The following PDGFA variants were observed in gnomAD, a reference collection of about 807,000 sequenced individuals.
The protein encoded by PDGFA is platelet derived growth factor subunit A, also known as platelet-derived growth factor subunit A.
A neutral mutation model predicts 25.6 loss-of-function variants in PDGFA; 9 were observed. The ratio of observed to expected loss-of-function variants is 0.35; its 90% CI spans 0.21 to 0.61. The LOEUF (loss-of-function observed/expected upper bound fraction) is 0.61, where lower values mean the gene tolerates loss of function less well. PDGFA is among the 20% of genes least tolerant of loss of function. PDGFA has a pLI of 0.75. For missense variants in PDGFA, 242 were observed against 272.8 expected (o/e 0.89, Z 0.79); for synonymous variants, 133 against 111.8 (o/e 1.19, Z -1.20).
At chr7:518,989 C>T (rs1277211330) in exon 1 of PDGFA, 4 of 1,539,774 alleles carry the variant, frequency 2.6e-6, no homozygotes, top group Admixed American at 2.0e-5. Flanking sequence ...AGCAGGCAAG[C>T]CAAGGTCCTC....
intron 5 of PDGFA, among the ~76,000 whole-genome samples, chr7:499,727 C>G (rs75800501): frequency 1.6e-5 from 1 of 63,120 alleles, no homozygotes; most frequent in Non-Finnish European, 3.5e-5. Context: ...CCTTCCCCCC[C>G]CCCCCCGCTC....
chr7:508,694 G>T (rs1227533407), intron 4 of PDGFA, among the ~76,000 whole-genome samples: 5 of 151,860 alleles, frequency 3.3e-5, no homozygotes, highest in African/African-American at 1.2e-4. Flanking sequence ...GGTCCTGCAG[G>T]TCAGGTGGGA....
At chr7:508,146 C>T (rs762803737) in intron 4 of PDGFA, among the ~76,000 whole-genome samples, 3 of 152,144 alleles carry the variant, frequency 2.0e-5, no homozygotes, top group Non-Finnish European at 4.4e-5. Context: ...AAGTCCTTCC[C>T]GGAGAACCTT....
At chr7:502,722 A>G (rs933046866) in intron 4 of PDGFA, among the ~76,000 whole-genome samples, 1 of 151,076 alleles carries the variant, frequency 6.6e-6, no homozygotes, top group African/African-American at 2.4e-5. Flanking sequence ...GGCCCAGTCC[A>G]GGCCAGAGAG....
chr7:511,123 G>A (rs1399118056), intron 3 of PDGFA, 127 bp from the exon 4 acceptor site: 2 of 713,340 alleles, frequency 2.8e-6, no homozygotes, highest in African/African-American at 1.8e-5. Context: ...ATTCCTCCCA[G>A]GCAGCAGAGG....
chr7:516,778 GC>G lies in PDGFA; in HGVS notation c.160+615del, dbSNP rs540947544. On this transcript the variant is annotated intron_variant, in intron 2 of 5. Transcript: ENST00000402802. ...TGTTCTCTAGTGGCCCGGCCCCAGG[GC>G]CCGAGGGTGAGCCGCAAAAATAGCC... Among the ~76,000 whole-genome samples, 122 of 152,332 alleles carry G rather than the reference GC, an allele frequency of 8.0e-4. No individual in the cohort carries two copies. The Middle Eastern group carries it at 0.01, about 13-fold the overall frequency.
At chr7:516,547 A>C (rs1783109627) in intron 2 of PDGFA, among the ~76,000 whole-genome samples, 1 of 152,180 alleles carries the variant, frequency 6.6e-6, no homozygotes, top group Non-Finnish European at 1.5e-5. Flanking sequence ...TCCCAGGCCG[A>C]GTGCTCATTT....
At position 512,680 on chromosome 7, in the gene PDGFA, ACGCCC is replaced by A. The variant is rs1285281319; in HGVS notation, c.161-230_161-226del. The A allele has an allele frequency of 3.4e-6, 5 of 1,471,774 alleles. No homozygotes were observed. In the African/African-American group the frequency reaches 7.0e-5, roughly 21 times the overall value. 91.2% of individuals were successfully genotyped at this position (1,471,774 alleles called of 1,614,324 possible). A position where few individuals can be genotyped will look rare whatever the true frequency, so the allele number is the denominator to read the frequency against. ...CATGAAACACTGGAAACCGCAGAAAACGCCCCGTTAGCACAGAGGTCCCCACATTC... is the reference window on the plus strand; with the variant it reads ...CATGAAACACTGGAAACCGCAGAAAACGTTAGCACAGAGGTCCCCACATTC... On this transcript the variant is annotated intron_variant, in intron 2 of 5. Coordinates refer to ENST00000402802, the Ensembl canonical transcript of PDGFA.
intron 3 of PDGFA, among the ~76,000 whole-genome samples, chr7:512,133 G>A (rs1782880051): frequency 6.6e-6 from 1 of 152,220 alleles, no homozygotes; most frequent in African/African-American, 2.4e-5. Context: ...GGCTGGGGCA[G>A]GAGACACCCT....
Position 500,103 on chromosome 7 carries a change from G to T in PDGFA, c.580+1013C>A, listed in dbSNP as rs908062420. On this transcript the variant is annotated intron_variant, in intron 5 of 5. Coordinates refer to ENST00000402802, the Ensembl canonical transcript of PDGFA. This position sits in a 1 kb window ranked among gnomAD's most constrained non-coding sequence, Gnocchi z 5.0. ...AAATGGGGTGGGTGATCCCAGAGTG[G>T]CCAGGCGCTCAGAGCTGCCCCACCG... Among the ~76,000 whole-genome samples, 2 of 152,180 alleles carry T rather than the reference G, an allele frequency of 1.3e-5. No individual in the cohort carries two copies. Among genetic ancestry groups the T allele is most frequent in the Non-Finnish European group, 2.9e-5 (2 of 68,016 alleles).
At chr7:513,444 C>T (rs919248303) in intron 2 of PDGFA, 1 of 152,166 alleles carries the variant, frequency 6.6e-6, no homozygotes, top group South Asian at 2.1e-4. Flanking sequence ...CTGGGCACCG[C>T]GGGTGGCTCT....
exon 6 of PDGFA, chr7:498,411 A>G (rs1255379343): frequency 1.4e-6 from 1 of 704,248 alleles, no homozygotes; most frequent in African/African-American, 1.8e-5. Context: ...ACAAATGTGC[A>G]CTGTCTCTTT....
At chr7:510,724 G>C (rs1340872661) in intron 4 of PDGFA, 85 bp downstream of exon 4, 2 of 424,032 alleles carry the variant, frequency 4.7e-6, no homozygotes, top group Non-Finnish European at 4.2e-6. Context: ...GAGGGGAGGG[G>C]AGAGGAGGGG....
chr7:516,792 C>T (rs1783123780), intron 2 of PDGFA, among the ~76,000 whole-genome samples: 1 of 152,234 alleles, frequency 6.6e-6, no homozygotes, highest in African/African-American at 2.4e-5. Flanking sequence ...GAGGGTGAGC[C>T]GCAAAAATAG....
chr7:504,701 G>A (rs1442663308), intron 4 of PDGFA, among the ~76,000 whole-genome samples: 1 of 152,248 alleles, frequency 6.6e-6, no homozygotes, highest in African/African-American at 2.4e-5. Context: ...AGGGCGCCCT[G>A]TTCTGCTCCC....
Position 501,045 on chromosome 7 carries a change from C to G in PDGFA, c.580+71G>C, listed in dbSNP as rs533910673. 1.5e-4 allele frequency: 237 copies of G among 1,613,104 alleles called. 1 individual carries two copies. The highest frequency in any genetic ancestry group is 1.9e-4 in the Non-Finnish European group (230 of 1,179,954). On this transcript the variant is annotated intron_variant, in intron 5 of 5. Transcript: ENST00000402802. Reference sequence around the variant, plus strand: ...GTAAGCGTTGCGCTCAAGGGGGCCACCTAACACCCCAAAAGCAAGGCTCTG... The same window carrying G: ...GTAAGCGTTGCGCTCAAGGGGGCCAGCTAACACCCCAAAAGCAAGGCTCTG...
intron 4 of PDGFA, among the ~76,000 whole-genome samples, chr7:510,581 G>A (rs1452003575): frequency 3.2e-5 from 2 of 63,468 alleles, no homozygotes; most frequent in African/African-American, 1.3e-4. Flanking sequence ...CGGCCCTTGG[G>A]CTCGGGTGGG....
In PDGFA at chr7:501,259, A is replaced by G; in HGVS notation, c.454-17T>C. On this transcript the variant is annotated splice_polypyrimidine_tract_variant and intron_variant, in intron 4 of 5. Transcript: ENST00000402802. Reference sequence around the variant, plus strand: ...CTTGGCCACCTGCCAGAGAGAACAGAGCCCGGCCATGAATGCCTGCATGGA... The same window carrying G: ...CTTGGCCACCTGCCAGAGAGAACAGGGCCCGGCCATGAATGCCTGCATGGA... 1.2e-6 allele frequency: 2 copies of G among 1,613,760 alleles called. No homozygotes were observed. Among genetic ancestry groups the G allele is most frequent in the Non-Finnish European group, 1.7e-6 (2 of 1,179,964 alleles).
At chr7:509,557 C>T (rs1782708483) in intron 4 of PDGFA, among the ~76,000 whole-genome samples, 3 of 152,174 alleles carry the variant, frequency 2.0e-5, no homozygotes, top group South Asian at 4.1e-4. Flanking sequence ...TCCACGGTGG[C>T]TGGGACTGCA....
Sources: allele counts gnomAD v4.1 joint callset (sites outside exome capture counted in the v4.1 genomes callset), GRCh38; gene constraint gnomAD v4.1.1; non-coding constraint Gnocchi (gnomAD v3.1); transcripts MANE v1.5; gene names NCBI Gene and HGNC (gene_info 2026-07-23, HGNC 2026-07-21).